Variants in CIBAR1 observed in about 807,000 individuals in gnomAD.
CIBAR1 encodes CBY1 interacting BAR domain containing 1, also known as CBY1-interacting BAR domain-containing protein 1.
Under a neutral mutation model 44.0 loss-of-function variants are expected in CIBAR1, and 25 were observed. That is an observed-to-expected ratio of 0.57 (90% CI 0.41 to 0.79). The LOEUF is 0.79. CIBAR1 is among the 30% of genes least tolerant of loss of function. The pLI is 0.00. For synonymous variants in CIBAR1, 115 were observed against 119.0 expected, an observed-to-expected ratio of 0.97 and a Z score of 0.22; for missense variants, 278 against 344.8, an observed-to-expected ratio of 0.81 and a Z score of 1.53.
At chr8:93,710,232 C>T (rs538224479) in intron 6 of CIBAR1, among the ~76,000 whole-genome samples, 11 of 151,362 alleles carry the variant, frequency 7.3e-5, no homozygotes, top group African/African-American at 2.5e-4. Context: ...GAGCCATGAC[C>T]GTGCCACTGC....
At position 93,728,984 on chromosome 8, in the gene CIBAR1, T is replaced by C. The variant is rs549151319; in HGVS notation, c.*687T>C. 5 of 152,262 alleles carry C rather than the reference T, an allele frequency of 3.3e-5. No individual in the cohort carries two copies. The East Asian group carries it at 9.6e-4, about 29-fold the overall frequency. The allele number at this position is 152,262 out of a possible 1,614,324, so 9.4% of individuals were successfully genotyped here. ...AATTTGGTGGAATGTTGCCTCATCA[T>C]AGAACACCATAGATCATTAAAAATT... On this transcript the variant is annotated 3_prime_UTR_variant, in exon 9 of 9. Transcript: ENST00000518322.
rs758221255 is a variant in CIBAR1 at position 93,726,441 on chromosome 8, T to C, written c.705T>C (p.Asp235=). The C allele has an allele frequency of 2.5e-6, 4 of 1,613,694 alleles. No individual in the cohort carries two copies. Among genetic ancestry groups the C allele is most frequent in the Admixed American group, 3.3e-5 (2 of 60,006 alleles). ...LYAPDYSSRL[D]IVRANSKSPL... is the part of the protein sequence containing the mutation. Reference sequence around the variant, plus strand: ...CACCAGATTATTCATCTCGTTTAGATATTGTAAGAGCAAATTCAAAGTCAC... The same window carrying C: ...CACCAGATTATTCATCTCGTTTAGACATTGTAAGAGCAAATTCAAAGTCAC... Residue 235 remains aspartate (D), a synonymous_variant, in exon 8 of 9, where the codon GAT becomes GAC. Transcript: ENST00000518322.
At chr8:93,721,671 G>A (rs1811269008) in intron 7 of CIBAR1, among the ~76,000 whole-genome samples, 1 of 152,128 alleles carries the variant, frequency 6.6e-6, no homozygotes, top group Non-Finnish European at 1.5e-5. Flanking sequence ...TGTTTATTGA[G>A]CACCTCATAT....
At chr8:93,710,605 G>A (rs892953650) in intron 6 of CIBAR1, among the ~76,000 whole-genome samples, 4 of 151,928 alleles carry the variant, frequency 2.6e-5, no homozygotes, top group Non-Finnish European at 4.4e-5. Context: ...AAGCTAAGGC[G>A]GGCAGATCAC....
At chr8:93,723,057 C>T (rs972505724) in intron 7 of CIBAR1, among the ~76,000 whole-genome samples, 5 of 152,138 alleles carry the variant, frequency 3.3e-5, no homozygotes, top group African/African-American at 7.2e-5. Flanking sequence ...AGTGCAGTGG[C>T]GCTATCTCCA....
intron 5 of CIBAR1, among the ~76,000 whole-genome samples, chr8:93,708,548 A>G (rs1335512534): frequency 1.3e-5 from 2 of 152,216 alleles, no homozygotes; most frequent in African/African-American, 2.4e-5. Context: ...ACAGATCCAG[A>G]TAATATGAGT....
At chr8:93,722,131 G>C (rs866298501) in intron 7 of CIBAR1, among the ~76,000 whole-genome samples, 34 of 152,214 alleles carry the variant, frequency 2.2e-4, no homozygotes, top group Middle Eastern at 3.2e-3. Flanking sequence ...ATTGTGGAGA[G>C]AACAGTCTGG....
In CIBAR1 at chr8:93,728,195, C is replaced by CT; in HGVS notation, c.778-6dup. 6.6e-7 allele frequency: 1 copy of CT among 1,518,922 alleles called. No individual in the cohort carries two copies. The highest frequency in any genetic ancestry group is 8.8e-7 in the Non-Finnish European group (1 of 1,137,126). 94.1% of individuals were successfully genotyped at this position (1,518,922 alleles called of 1,614,324 possible). A position where few individuals can be genotyped will look rare whatever the true frequency, so the allele number is the denominator to read the frequency against. ...ATTTTTATTTTAAAAAGTGTGTTAA[C>CT]TTTTAACAGGTATCCACTTGTCGAC... On this transcript the variant is annotated splice_polypyrimidine_tract_variant and intron_variant, in intron 8 of 8. Coordinates refer to ENST00000518322, the MANE Select transcript of CIBAR1 (RefSeq NM_145269.5).
chr8:93,722,495 G>A (rs1002291317), intron 7 of CIBAR1, among the ~76,000 whole-genome samples: 4 of 152,096 alleles, frequency 2.6e-5, no homozygotes, highest in Admixed American at 6.6e-5. Flanking sequence ...TCAGGAGTTC[G>A]AGACCATCCT....
chr8:93,718,981 A>G (rs1367862576), intron 7 of CIBAR1, among the ~76,000 whole-genome samples, 193 bp downstream of exon 7: 1 of 151,918 alleles, frequency 6.6e-6, no homozygotes, highest in Non-Finnish European at 1.5e-5. Context: ...CTTCTGCCTC[A>G]GCCTCCTAAC....
At chr8:93,718,830 G>C in intron 7 of CIBAR1, 42 bp downstream of exon 7, 14 of 1,186,244 alleles carry the variant, frequency 1.2e-5, no homozygotes, top group Non-Finnish European at 1.5e-5. Flanking sequence ...CTGTTAATGT[G>C]GAAATATTTA....
chr8:93,710,836 C>CAA lies in CIBAR1; in HGVS notation c.543+976_543+977dup, dbSNP rs35465241. 5.3e-3 allele frequency among the ~76,000 whole-genome samples: 642 copies of CAA among 120,322 alleles called. 8 individuals carry two copies. The highest frequency in any genetic ancestry group is 6.6e-3 in the Non-Finnish European group (393 of 59,690). 78.9% of individuals were successfully genotyped at this position (120,322 alleles called of 152,430 possible). ...TGGGTGACAGAGCGAGACTCTGACT[C>CAA]AAAAAAAAAAAAAAAAGAAATTAAG... On this transcript the variant is annotated intron_variant, in intron 6 of 8. Transcript: ENST00000518322.
At position 93,728,273 on chromosome 8, in the gene CIBAR1, A is replaced by G. The variant is rs769403311; in HGVS notation, c.846A>G (p.Thr282=). ...ATGAGGATGACGAGTTAGATGTTAC[A>G]GAAGAAGAAAATTTTCTTAAGTAAA... ...EDDEDDELDV[T]EEENFLK The change falls in exon 9 of 9, where the codon ACA becomes ACG. Residue 282 remains threonine, a synonymous_variant. Coordinates refer to ENST00000518322, the MANE Select transcript of CIBAR1 (RefSeq NM_145269.5). 20 of 1,570,892 alleles carry G rather than the reference A, an allele frequency of 1.3e-5. 1 individual carries two copies. The highest frequency in any genetic ancestry group is 4.7e-5 in the South Asian group (4 of 85,502).
At chr8:93,717,367 T>C (rs563647079) in intron 6 of CIBAR1, among the ~76,000 whole-genome samples, 4 of 152,144 alleles carry the variant, frequency 2.6e-5, no homozygotes, top group Non-Finnish European at 5.9e-5. Flanking sequence ...TAATATGAAA[T>C]CCAAAATTGT....
At position 93,726,433 on chromosome 8, in the gene CIBAR1, C is replaced by T. The variant is rs1034801496; in HGVS notation, c.697C>T (p.Arg233Cys). 3 of 1,613,236 alleles carry T rather than the reference C, an allele frequency of 1.9e-6. No individual in the cohort carries two copies. Among genetic ancestry groups the T allele is most frequent in the South Asian group, 1.1e-5 (1 of 91,042 alleles). The change falls in exon 8 of 9, where the codon CGT (arginine) becomes TGT (cysteine). Residue 233 changes from arginine to cysteine, a missense_variant. By Grantham distance (180) the Arg-to-Cys change is radical. Transcript: ENST00000518322. ...NSLYAPDYSS[R>C]LDIVRANSKS... ...TCTGTATGCACCAGATTATTCATCTCGTTTAGATATTGTAAGAGCAAATTC... is the reference window on the plus strand; with the variant it reads ...TCTGTATGCACCAGATTATTCATCTTGTTTAGATATTGTAAGAGCAAATTC...
intron 7 of CIBAR1, among the ~76,000 whole-genome samples, chr8:93,724,986 C>T (rs1221829814): frequency 1.3e-5 from 2 of 151,300 alleles, no homozygotes; most frequent in Admixed American, 6.6e-5. Flanking sequence ...TTCAGAGAAA[C>T]TTTTTTTTTG....
At chr8:93,702,167 C>T (rs1044440775) in intron 2 of CIBAR1, 8 of 386,098 alleles carry the variant, frequency 2.1e-5, no homozygotes, top group Admixed American at 1.2e-4. Context: ...CTTTTCAGAA[C>T]CTAAAACGGG....
rs1423715020 is a variant in CIBAR1, at chr8:93,730,190, T to C, written c.*1893T>C. 1 of 152,176 alleles carries C rather than the reference T, an allele frequency of 6.6e-6. No homozygotes were observed. The highest frequency in any genetic ancestry group is 1.9e-4 in the East Asian group (1 of 5,200). The allele number at this position is 152,176 out of a possible 1,614,324, so 9.4% of individuals were successfully genotyped here. ...TTAATTCATACATAATTATACATCA[T>C]ATAGTATCTAATACAGCTCAATAAA... On this transcript the variant is annotated 3_prime_UTR_variant, in exon 9 of 9. Transcript: ENST00000518322.
rs1199578649 is a variant in CIBAR1 at position 93,728,980 on chromosome 8, A to C, written c.*683A>C. On this transcript the variant is annotated 3_prime_UTR_variant, in exon 9 of 9. Coordinates refer to ENST00000518322, the MANE Select transcript of CIBAR1 (RefSeq NM_145269.5). ...GGCTAATTTGGTGGAATGTTGCCTC[A>C]TCATAGAACACCATAGATCATTAAA... The C allele has an allele frequency of 1.3e-5, 2 of 152,150 alleles. No individual in the cohort carries two copies. The highest frequency in any genetic ancestry group is 2.9e-5 in the Non-Finnish European group (2 of 67,986). The allele number at this position is 152,150 out of a possible 1,614,324, so 9.4% of individuals were successfully genotyped here. A position where few individuals can be genotyped will look rare whatever the true frequency, so the allele number is the denominator to read the frequency against.
Sources: allele counts gnomAD v4.1 joint callset (sites outside exome capture counted in the v4.1 genomes callset), GRCh38; gene constraint gnomAD v4.1.1; transcripts MANE v1.5; gene names NCBI Gene and HGNC (gene_info 2026-07-23, HGNC 2026-07-21).